NELL1: variants seen among roughly 807,000 people sequenced by gnomAD.
NELL1 encodes protein kinase C-binding protein NELL1.
NELL1 carries 76 observed loss-of-function variants against 107.4 expected under a neutral mutation model. The ratio of observed to expected loss-of-function variants is 0.71; its 90% CI spans 0.59 to 0.86. The LOEUF (loss-of-function observed/expected upper bound fraction) is 0.86. Ranked by LOEUF, NELL1 falls within the 40% of genes least tolerant of loss-of-function variation. The pLI is 0.00. For synonymous variants in NELL1, 353 were observed against 341.2 expected (o/e 1.03, Z -0.38); for missense variants, 1,024 against 1,005.5 (o/e 1.02, Z -0.25).
intron 15 of NELL1, among the ~76,000 whole-genome samples, chr11:21,478,204 C>T (rs1361622266): frequency 6.6e-6 from 1 of 152,066 alleles, no homozygotes; most frequent in African/African-American, 2.4e-5. Context: ...TGATAAATCC[C>T]TCACTATCAA....
Position 21,132,871 on chromosome 11 carries a change from T to A in NELL1, c.1426+19157T>A, listed in dbSNP as rs1202836160. On this transcript the variant is annotated intron_variant, in intron 13 of 19. Transcript: ENST00000357134. ...TCCTGCCATTTGATGGGTCCCAATT[T>A]CTTGTCCCGCATCCAGGATGAATGA... 2.6e-5 allele frequency among the ~76,000 whole-genome samples: 4 copies of A among 152,146 alleles called. No individual in the cohort carries two copies. The East Asian group carries it at 7.7e-4, about 29-fold the overall frequency.
chr11:21,222,304 C>T (rs779284263), intron 13 of NELL1, among the ~76,000 whole-genome samples: 19 of 151,880 alleles, frequency 1.3e-4, no homozygotes, highest in African/African-American at 2.9e-4. Flanking sequence ...CTCAGCCTCC[C>T]GAGTAGCTGG....
chr11:21,538,522 C>A (rs1312304991), intron 16 of NELL1, among the ~76,000 whole-genome samples: 4 of 152,044 alleles, frequency 2.6e-5, no homozygotes, highest in African/African-American at 9.7e-5. Flanking sequence ...CTTTGTCTGT[C>A]TCTCTTTAAC....
intron 14 of NELL1, chr11:21,262,466 T>C (rs1565135854): frequency 6.6e-6 from 1 of 151,914 alleles, no homozygotes; most frequent in Non-Finnish European, 1.5e-5. Flanking sequence ...AGTGAGTTAA[T>C]ATTTACAAAT....
At chr11:20,835,522 T>C (rs536647290) in intron 3 of NELL1, among the ~76,000 whole-genome samples, 2 of 152,212 alleles carry the variant, frequency 1.3e-5, no homozygotes, top group Admixed American at 1.3e-4. Context: ...ACAGTAAAAA[T>C]AAAGAAAATG....
intron 14 of NELL1, among the ~76,000 whole-genome samples, chr11:21,251,128 T>C (rs1858626981): frequency 6.6e-6 from 1 of 152,184 alleles, no homozygotes; most frequent in Non-Finnish European, 1.5e-5. Flanking sequence ...TGAGATATAC[T>C]GAGACTTTAA....
intron 16 of NELL1, among the ~76,000 whole-genome samples, chr11:21,558,433 T>A (rs12099217): frequency 0.018 from 2,717 of 152,012 alleles, 90 homozygotes; most frequent in African/African-American, 0.062. Context: ...TACACTTACT[T>A]TTTTGTGACA....
intron 3 of NELL1, among the ~76,000 whole-genome samples, chr11:20,818,450 G>A (rs1472397039): frequency 1.5e-5 from 2 of 136,212 alleles, no homozygotes; most frequent in African/African-American, 5.6e-5. Context: ...TCAGGAAACT[G>A]CTATTCAGAG....
At position 20,748,916 on chromosome 11, in the gene NELL1, CCA is replaced by C. The variant is rs1856069122; in HGVS notation, c.185-34763_185-34762del. ...TCCATCCATCCACCCAGCCACCCAT[CCA>C]TCCATCCATCCATCCATCCATCCAT... On this transcript the variant is annotated intron_variant, in intron 2 of 19. Transcript: ENST00000357134. Among the ~76,000 whole-genome samples, 3 of 122,862 alleles carry C rather than the reference CCA, an allele frequency of 2.4e-5. No homozygotes were observed. The East Asian group carries it at 6.8e-4, about 28-fold the overall frequency. The allele number at this position is 122,862 out of a possible 152,430, so 80.6% of individuals were successfully genotyped here.
At chr11:20,725,839 A>G (rs945780641) in intron 2 of NELL1, among the ~76,000 whole-genome samples, 1 of 152,154 alleles carries the variant, frequency 6.6e-6, no homozygotes, top group Non-Finnish European at 1.5e-5. Flanking sequence ...TGAAGTATGA[A>G]TGATCCCATC....
chr11:20,715,195 AC>A (rs1246333689), intron 2 of NELL1, among the ~76,000 whole-genome samples: 3 of 152,096 alleles, frequency 2.0e-5, no homozygotes, highest in Non-Finnish European at 4.4e-5. Flanking sequence ...CAGTGAGTTG[AC>A]ATCGCGCCAT....
intron 14 of NELL1, among the ~76,000 whole-genome samples, chr11:21,230,554 C>T (rs1385689448): frequency 1.3e-5 from 2 of 152,126 alleles, no homozygotes; most frequent in Non-Finnish European, 2.9e-5. Flanking sequence ...TATTATTATC[C>T]TTATTTTAGA....
intron 12 of NELL1, among the ~76,000 whole-genome samples, chr11:20,976,037 A>G (rs978892531): frequency 1.4e-5 from 2 of 144,206 alleles, no homozygotes; most frequent in African/African-American, 5.2e-5. Flanking sequence ...TGTATTATAT[A>G]CATTACATTT....
intron 14 of NELL1, among the ~76,000 whole-genome samples, chr11:21,238,152 G>C (rs371625666): frequency 1.3e-5 from 2 of 152,086 alleles, no homozygotes; most frequent in African/African-American, 2.4e-5. Flanking sequence ...CCATTGACCA[G>C]GTTGCTCAGA....
intron 1 of NELL1, among the ~76,000 whole-genome samples, chr11:20,673,463 G>A (rs1323031830): frequency 6.6e-6 from 1 of 152,182 alleles, no homozygotes; most frequent in Admixed American, 6.5e-5. Context: ...ATGAGCAGGA[G>A]TAAATTTAAA....
intron 7 of NELL1, among the ~76,000 whole-genome samples, chr11:20,926,061 G>A (rs922783225): frequency 6.6e-6 from 1 of 152,026 alleles, no homozygotes; most frequent in Non-Finnish European, 1.5e-5. Flanking sequence ...AGACATGAAA[G>A]GATAAACATG....
intron 13 of NELL1, among the ~76,000 whole-genome samples, chr11:21,208,860 A>G (rs990896898): frequency 5.3e-5 from 8 of 152,164 alleles, no homozygotes; most frequent in Admixed American, 3.9e-4. Context: ...ACCAAGGGTA[A>G]TAGAATTTTC....
intron 7 of NELL1, among the ~76,000 whole-genome samples, chr11:20,921,403 C>T (rs1017038434): frequency 2.0e-5 from 3 of 152,096 alleles, no homozygotes; most frequent in African/African-American, 7.2e-5. Flanking sequence ...GATGAGATGA[C>T]TGAGGTCCAG....
intron 15 of NELL1, among the ~76,000 whole-genome samples, chr11:21,391,625 A>G (rs1054616090): frequency 6.6e-6 from 1 of 151,650 alleles, no homozygotes; most frequent in South Asian, 2.1e-4. Context: ...TATTCATTCA[A>G]TGTAGCTACC....
Sources: gnomAD v4.1 joint callset for allele counts (sites outside exome capture counted in the v4.1 genomes callset) on GRCh38, gnomAD v4.1.1 for gene constraint, MANE v1.5 for transcripts, NCBI Gene and HGNC (gene_info 2026-07-23, HGNC 2026-07-21) for gene names.